CCSER1: variants seen among roughly 807,000 people sequenced by gnomAD.
CCSER1 encodes coiled-coil serine rich protein 1, also known as serine-rich coiled-coil domain-containing protein 1.
Under a neutral mutation model 82.0 loss-of-function variants are expected in CCSER1, and 41 were observed. The ratio of observed to expected loss-of-function variants is 0.50; its 90% CI spans 0.39 to 0.65. The LOEUF is 0.65. Ranked by LOEUF, CCSER1 falls within the 30% of genes least tolerant of loss-of-function variation. The probability of loss-of-function intolerance (pLI) is 0.00; values close to 1 mark genes in which losing one functional copy is unlikely to be tolerated. For synonymous variants in CCSER1, 414 were observed against 383.9 expected, an observed-to-expected ratio of 1.08 and a Z score of -0.92; for missense variants, 1,119 against 1,064.2, an observed-to-expected ratio of 1.05 and a Z score of -0.72.
intron 10 of CCSER1, among the ~76,000 whole-genome samples, chr4:91,460,465 G>C (rs956950782): frequency 7.9e-5 from 12 of 152,050 alleles, no homozygotes; most frequent in Admixed American, 7.9e-4. Context: ...ATGCCACAAA[G>C]ATTAGAAAAT....
chr4:90,632,336 T>C (rs1724604150), intron 6 of CCSER1, among the ~76,000 whole-genome samples: 1 of 152,052 alleles, frequency 6.6e-6, no homozygotes, highest in African/African-American at 2.4e-5. Context: ...CTACCTACTT[T>C]GGGTTTAATA....
chr4:90,836,743 C>T (rs1437209779), intron 8 of CCSER1, among the ~76,000 whole-genome samples: 1 of 152,184 alleles, frequency 6.6e-6, no homozygotes, highest in Non-Finnish European at 1.5e-5. Flanking sequence ...TCCCTCAGAA[C>T]CTCAGAGGTA....
chr4:91,067,645 C>T (rs1337506865), intron 9 of CCSER1, among the ~76,000 whole-genome samples: 1 of 152,056 alleles, frequency 6.6e-6, no homozygotes, highest in Non-Finnish European at 1.5e-5. Context: ...GCACCCACCC[C>T]ATCCTTCTTC....
intron 5 of CCSER1, among the ~76,000 whole-genome samples, chr4:90,520,545 T>C (rs2153624126): frequency 2.0e-5 from 3 of 152,306 alleles, no homozygotes; most frequent in Admixed American, 2.0e-4. Context: ...CAGGACTATG[T>C]CTTGCTTATG....
intron 10 of CCSER1, among the ~76,000 whole-genome samples, chr4:91,564,624 T>C (rs1007246512): frequency 5.9e-5 from 9 of 152,074 alleles, no homozygotes; most frequent in Admixed American, 4.6e-4. Context: ...GTGGTTTTGA[T>C]TTGCATTTCT....
At chr4:91,541,756 T>G (rs1419858497) in intron 10 of CCSER1, among the ~76,000 whole-genome samples, 2 of 152,068 alleles carry the variant, frequency 1.3e-5, no homozygotes, top group African/African-American at 4.8e-5. Flanking sequence ...GATGGGATGG[T>G]TGGGTCAAAT....
intron 10 of CCSER1, among the ~76,000 whole-genome samples, chr4:91,485,330 C>T (rs1242912970): frequency 6.6e-6 from 1 of 152,032 alleles, no homozygotes; most frequent in Non-Finnish European, 1.5e-5. Context: ...TATTTTAATT[C>T]CAGAATTATG....
intron 9 of CCSER1, among the ~76,000 whole-genome samples, chr4:90,987,736 G>A (rs1736689132): frequency 6.6e-6 from 1 of 151,684 alleles, no homozygotes; most frequent in Non-Finnish European, 1.5e-5. Flanking sequence ...ATAGCAGCTT[G>A]CTTTGGACTT....
At chr4:90,757,629 G>A (rs1344320337) in intron 7 of CCSER1, among the ~76,000 whole-genome samples, 1 of 152,156 alleles carries the variant, frequency 6.6e-6, no homozygotes, top group Non-Finnish European at 1.5e-5. Flanking sequence ...TTCAACCAAG[G>A]AAGCAGACAA....
intron 10 of CCSER1, among the ~76,000 whole-genome samples, chr4:91,226,016 A>G (rs993905962): frequency 1.3e-5 from 2 of 151,736 alleles, no homozygotes; most frequent in African/African-American, 2.4e-5. Context: ...CCTTTTTTTA[A>G]AATTATACTT....
intron 3 of CCSER1, among the ~76,000 whole-genome samples, chr4:90,389,838 G>T (rs762254304): frequency 4.5e-4 from 69 of 152,016 alleles, no homozygotes; most frequent in Admixed American, 9.2e-4. Context: ...TTAATTAAAA[G>T]TATTATAGAG....
At chr4:91,429,256 C>CAGA (rs1754159679) in intron 10 of CCSER1, among the ~76,000 whole-genome samples, 8 of 151,802 alleles carry the variant, frequency 5.3e-5, no homozygotes, top group Admixed American at 3.9e-4. Context: ...TTCAGATGTT[C>CAGA]TTGACTGATC....
At chr4:90,160,015 T>G (rs189081758) in intron 1 of CCSER1, among the ~76,000 whole-genome samples, 1 of 152,312 alleles carries the variant, frequency 6.6e-6, no homozygotes, top group East Asian at 1.9e-4. Flanking sequence ...ATCATCCTAT[T>G]AGGTAGTGGT....
chr4:90,669,478 TAG>T (rs1009604231), intron 6 of CCSER1, among the ~76,000 whole-genome samples: 1 of 152,134 alleles, frequency 6.6e-6, no homozygotes, highest in African/African-American at 2.4e-5. Flanking sequence ...CTGTAGTTTA[TAG>T]AGAGTCTCTG....
At chr4:90,170,747 A>T (rs1731507812) in intron 1 of CCSER1, among the ~76,000 whole-genome samples, 1 of 151,890 alleles carries the variant, frequency 6.6e-6, no homozygotes, top group Admixed American at 6.6e-5. Context: ...TATATGTACT[A>T]TATTTTCTTT....
chr4:90,724,881 A>G (rs1580162842), intron 7 of CCSER1: 1 of 304,164 alleles, frequency 3.3e-6, no homozygotes, highest in Non-Finnish European at 6.5e-6. Flanking sequence ...TACCTAGTAC[A>G]GTTGCTGGCA....
intron 6 of CCSER1, among the ~76,000 whole-genome samples, chr4:90,658,065 C>T (rs556351801): frequency 1.6e-4 from 24 of 152,232 alleles, no homozygotes; most frequent in Non-Finnish European, 2.5e-4. Flanking sequence ...GGTCATACCA[C>T]GGCACTCCAG....
At chr4:90,499,063 G>T (rs7657461) in intron 5 of CCSER1, among the ~76,000 whole-genome samples, 13 of 151,756 alleles carry the variant, frequency 8.6e-5, no homozygotes, top group African/African-American at 3.1e-4. Flanking sequence ...TAAGCCCTAT[G>T]TTTCTAAAAA....
intron 7 of CCSER1, among the ~76,000 whole-genome samples, chr4:90,778,066 G>T (rs1753183296): frequency 2.0e-5 from 3 of 152,034 alleles, no homozygotes; most frequent in Admixed American, 2.0e-4. Flanking sequence ...GGAAATAAAA[G>T]ACTCAATACT....
Sources: allele counts gnomAD v4.1 joint callset (sites outside exome capture counted in the v4.1 genomes callset), GRCh38; gene constraint gnomAD v4.1.1; transcripts MANE v1.5; gene names NCBI Gene and HGNC (gene_info 2026-07-23, HGNC 2026-07-21).